Variants in ZNF786 observed in about 807,000 individuals in gnomAD.
ZNF786 encodes zinc finger protein 786.
A neutral mutation model predicts 63.1 loss-of-function variants in ZNF786; 56 were observed. The observed-to-expected ratio is 0.89, with a 90% CI of 0.72 to 1.11. ZNF786 has a LOEUF of 1.11. Among genes scored for constraint, ZNF786 ranks in the 50% least tolerant of loss-of-function variants. The pLI is 0.00. For missense variants in ZNF786, 1,213 were observed against 1,041.8 expected (o/e 1.16, Z -2.26); for synonymous variants, 485 against 406.9 (o/e 1.19, Z -2.31).
chr7:149,079,563 C>CT (rs377025040), intron 2 of ZNF786, among the ~76,000 whole-genome samples: 3,280 of 119,372 alleles, frequency 0.027, 63 homozygotes, highest in African/African-American at 0.053. Context: ...GACAGCTACT[C>CT]TTTTTTTTTT....
Position 149,070,490 on chromosome 7 carries a change from G to A in ZNF786, c.2282C>T (p.Pro761Leu), listed in dbSNP as rs1825380836. 6.2e-7 allele frequency: 1 copy of A among 1,614,036 alleles called. No individual in the cohort carries two copies. The highest frequency in any genetic ancestry group is 1.1e-5 in the South Asian group (1 of 91,086). ...IRVHTKSCPA[P>L]NELDIKKRLS... ...CCTTTTCTTAATGTCCAGTTCATTT[G>A]GAGCAGGACAGGATTTTGTGTGTAC... The change falls in exon 4 of 4, where the codon CCA becomes CTA. Residue 761 changes from proline (P) to leucine (L), a missense_variant. Physicochemically the swap from Pro to Leu is moderately conservative, Grantham distance 98. Transcript: ENST00000491431.
At chr7:149,077,166 T>G (rs1484522883) in intron 2 of ZNF786, among the ~76,000 whole-genome samples, 2 of 152,266 alleles carry the variant, frequency 1.3e-5, no homozygotes, top group Non-Finnish European at 2.9e-5. Context: ...TCCATAAGAC[T>G]GTCTTCATTA....
At chr7:149,083,214 AT>A (rs948704539) in intron 1 of ZNF786, among the ~76,000 whole-genome samples, 61 of 144,678 alleles carry the variant, frequency 4.2e-4, no homozygotes, top group African/African-American at 1.4e-3. Context: ...TCATCTTTAA[AT>A]TTTTTTTTCT....
rs775940308 is a variant in ZNF786 at position 149,072,372 on chromosome 7, G to C, written c.400C>G (p.Gln134Glu). 1.2e-6 allele frequency: 2 copies of C among 1,613,402 alleles called. No individual in the cohort carries two copies. Among genetic ancestry groups the C allele is most frequent in the South Asian group, 2.2e-5 (2 of 90,954 alleles). Reference protein sequence around the residue: ...FGSFVSFRPDQGITLGSPQRH... With the variant: ...FGSFVSFRPDEGITLGSPQRH... ...TGTGGGCTCCCGAGGGTGATGCCTT[G>C]GTCAGGCCTGAAGGAAACAAAGGAT... Residue 134 changes from glutamine to glutamate, a missense_variant, in exon 4 of 4, where the codon CAA (glutamine) becomes GAA (glutamate). Gln to Glu is a conservative substitution (Grantham distance 29, BLOSUM62 2). Transcript: ENST00000491431.
rs764061267 is a variant in ZNF786 at position 149,074,534 on chromosome 7, A to C, written c.150T>G (p.Asp50Glu). 2.4e-5 allele frequency: 38 copies of C among 1,613,580 alleles called. No individual in the cohort carries two copies. The highest frequency in any genetic ancestry group is 3.2e-5 in the Non-Finnish European group (38 of 1,179,794). ...SNYETLVSLD[D>E]GLPKPELISW... ...ATATTAGTTCTGGTTTTGGAAGTCC[A>C]TCATCTGCACAGAGAAGTCAGACAG... Residue 50 changes from aspartate (D) to glutamate (E), a missense_variant, in exon 3 of 4, where the codon GAT becomes GAG. By Grantham distance (45) the Asp-to-Glu change is conservative. Coordinates refer to ENST00000491431, the MANE Select transcript of ZNF786 (RefSeq NM_152411.4).
chr7:149,070,213 A>AAG lies in ZNF786; in HGVS notation c.*209_*210insCT. On this transcript the variant is annotated 3_prime_UTR_variant, in exon 4 of 4. Coordinates refer to ENST00000491431, the MANE Select transcript of ZNF786 (RefSeq NM_152411.4). ...GTGACAGAGCAAAACTCCATCTTGG[A>AAG]AAAAAAAAAAAAAAAGAAAGAAATA... 6.2e-6 allele frequency: 1 copy of AAG among 160,332 alleles called. No homozygotes were observed. Among genetic ancestry groups the AAG allele is most frequent in the South Asian group, 1.8e-4 (1 of 5,588 alleles). The allele number at this position is 160,332 out of a possible 1,614,324, so 9.9% of individuals were successfully genotyped here.
In ZNF786 at chr7:149,070,014, CAT is replaced by C. The variant is rs1825370266; in HGVS notation, c.*407_*408del. 6.0e-6 allele frequency: 1 copy of C among 167,150 alleles called. No individual in the cohort carries two copies. The highest frequency in any genetic ancestry group is 2.4e-5 in the African/African-American group (1 of 41,564). The allele number at this position is 167,150 out of a possible 1,614,324, so 10.4% of individuals were successfully genotyped here. On this transcript the variant is annotated 3_prime_UTR_variant, in exon 4 of 4. Coordinates refer to ENST00000491431, the MANE Select transcript of ZNF786 (RefSeq NM_152411.4). ...TTATACAAATGCACAAAGGTAATCA[CAT>C]CTTATCTGGATTTCTGTGTGCACCT...
At chr7:149,076,588 G>A (rs1282210721) in intron 2 of ZNF786, among the ~76,000 whole-genome samples, 1 of 151,408 alleles carries the variant, frequency 6.6e-6, no homozygotes, top group Non-Finnish European at 1.5e-5. Context: ...GTGTGGTGGT[G>A]TGTGCCTATA....
chr7:149,073,211 A>G (rs1825463181), intron 3 of ZNF786, among the ~76,000 whole-genome samples: 3 of 152,194 alleles, frequency 2.0e-5, no homozygotes, highest in Non-Finnish European at 4.4e-5. Flanking sequence ...AACAAAAACT[A>G]TTTGACAAGA....
intron 1 of ZNF786, among the ~76,000 whole-genome samples, chr7:149,085,616 T>C (rs892745755): frequency 6.6e-6 from 1 of 152,156 alleles, no homozygotes; most frequent in Non-Finnish European, 1.5e-5. Flanking sequence ...CTCCTGGCAA[T>C]ATAGTTTTTT....
In ZNF786 at chr7:149,072,002, C is replaced by T. The variant is rs771874615; in HGVS notation, c.770G>A (p.Arg257His). 8 of 1,612,850 alleles carry T rather than the reference C, an allele frequency of 5.0e-6. No homozygotes were observed. The East Asian group carries it at 8.9e-5, about 18-fold the overall frequency. Residue 257 changes from arginine to histidine, a missense_variant, in exon 4 of 4, where the codon CGC (arginine) becomes CAC (histidine). By Grantham distance (29) the Arg-to-His change is conservative. Coordinates refer to ENST00000491431, the MANE Select transcript of ZNF786 (RefSeq NM_152411.4). ...KSFRRKLCLL[R>H]HLAAHTGRGP... Reference sequence around the variant, plus strand: ...CCTCCCCGTGTGGGCCGCCAGATGGCGCAGCAGACACAGCTTCCGGCGGAA... The same window carrying T: ...CCTCCCCGTGTGGGCCGCCAGATGGTGCAGCAGACACAGCTTCCGGCGGAA...
Position 149,084,464 on chromosome 7 carries a change from GT to G in ZNF786, c.19-3748del, listed in dbSNP as rs550434749. Reference sequence around the variant, plus strand: ...ACATTCCCACCAGCAGTGTATATGTGTTCTCTTTTCTCTGTAACCTTGTTTT... The same window carrying G: ...ACATTCCCACCAGCAGTGTATATGTGTCTCTTTTCTCTGTAACCTTGTTTT... On this transcript the variant is annotated intron_variant, in intron 1 of 3. Transcript: ENST00000491431. Among the ~76,000 whole-genome samples, 6 of 149,050 alleles carry G rather than the reference GT, an allele frequency of 4.0e-5. No homozygotes were observed. In the South Asian group the frequency reaches 1.3e-3, roughly 32 times the overall value.
At chr7:149,090,279 G>A (rs1825809018) in intron 1 of ZNF786, among the ~76,000 whole-genome samples, 1 of 152,200 alleles carries the variant, frequency 6.6e-6, no homozygotes, top group Non-Finnish European at 1.5e-5. Context: ...ATGTAAAACT[G>A]GTTGACCTGT....
intron 3 of ZNF786, among the ~76,000 whole-genome samples, chr7:149,073,202 A>T (rs1825462995): frequency 6.6e-6 from 1 of 152,202 alleles, no homozygotes; most frequent in Admixed American, 6.5e-5. Context: ...GCACCTAAAA[A>T]CAAAAACTAT....
chr7:149,071,182 C>A lies in ZNF786; in HGVS notation c.1590G>T (p.Val530=). The change falls in exon 4 of 4, where the codon GTG becomes GTT. Residue 530 remains valine, a synonymous_variant. Coordinates refer to ENST00000491431, the MANE Select transcript of ZNF786 (RefSeq NM_152411.4). ...ACTGGAAGGGCCTCTCCCCGCTGTG[C>A]ACTCTCAGGTGCTCACGGAGCTTGC... The part of the protein sequence containing the change: ...HQCKLREHLR[V]HSGERPFQCL... 1 of 1,612,140 alleles carries A rather than the reference C, an allele frequency of 6.2e-7. No homozygotes were observed. The highest frequency in any genetic ancestry group is 8.5e-7 in the Non-Finnish European group (1 of 1,179,072).
chr7:149,090,552 C>G, intron 1 of ZNF786, 71 bp downstream of exon 1: 2 of 1,438,856 alleles, frequency 1.4e-6, no homozygotes, highest in Non-Finnish European at 9.3e-7. Context: ...CCCCAGGACA[C>G]GGGCGAGCCC....
intron 1 of ZNF786, among the ~76,000 whole-genome samples, chr7:149,089,274 ATTTAT>A (rs1825791387): frequency 6.6e-6 from 1 of 150,664 alleles, no homozygotes. Flanking sequence ...TATGTAGCTA[ATTTAT>A]TTTAATTTTG....
chr7:149,088,088 C>T (rs1487775007), intron 1 of ZNF786, among the ~76,000 whole-genome samples: 1 of 151,624 alleles, frequency 6.6e-6, no homozygotes, highest in East Asian at 1.9e-4. Flanking sequence ...CTGCAACCTC[C>T]GCCTCCGAGG....
chr7:149,070,324 C>A lies in ZNF786; in HGVS notation c.*99G>T. ...GACACTCTTGCTCAAAGAAGGATAC[C>A]TGCTCCTAAAACCCGTCTACCAGCG... is the stretch of plus-strand genomic sequence containing the variant. On this transcript the variant is annotated 3_prime_UTR_variant, in exon 4 of 4. Transcript: ENST00000491431. 1 of 1,488,166 alleles carries A rather than the reference C, an allele frequency of 6.7e-7. No individual in the cohort carries two copies. 92.2% of individuals were successfully genotyped at this position (1,488,166 alleles called of 1,614,324 possible). A position where few individuals can be genotyped will look rare whatever the true frequency, so the allele number is the denominator to read the frequency against.
Sources: gnomAD v4.1 joint callset for allele counts (sites outside exome capture counted in the v4.1 genomes callset) on GRCh38, gnomAD v4.1.1 for gene constraint, MANE v1.5 for transcripts, NCBI Gene and HGNC (gene_info 2026-07-23, HGNC 2026-07-21) for gene names.